The following ADGRF3 variants were observed in gnomAD, a reference collection of about 807,000 sequenced individuals.
ADGRF3 encodes G protein-coupled receptor 113.
ADGRF3 carries 85 observed loss-of-function variants against 93.2 expected under a neutral mutation model. That is an observed-to-expected ratio of 0.91 (90% CI 0.77 to 1.09). ADGRF3 has a LOEUF of 1.09. ADGRF3 is among the 50% of genes least tolerant of loss of function. The pLI is 0.00. For synonymous variants in ADGRF3, 534 were observed against 532.5 expected, an observed-to-expected ratio of 1.00 and a Z score of -0.04; for missense variants, 1,125 against 1,246.2, an observed-to-expected ratio of 0.90 and a Z score of 1.46.
intron 5 of ADGRF3, among the ~76,000 whole-genome samples, chr2:26,315,226 T>C (rs1002972786): frequency 6.6e-6 from 1 of 152,214 alleles, no homozygotes; most frequent in Non-Finnish European, 1.5e-5. Flanking sequence ...ACAATAGTTG[T>C]GACTTTGTAA....
Position 26,309,439 on chromosome 2 carries a change from C to G in ADGRF3, c.2993+87G>C, listed in dbSNP as rs555991159. On this transcript the variant is annotated intron_variant, in intron 13 of 13. Transcript: ENST00000651242. ...GGCTGGGTATAGAAAGAGGAGGCTTCTCTCCAGCACTTTGCCAGGAGGCCC... is the reference window on the plus strand; with the variant it reads ...GGCTGGGTATAGAAAGAGGAGGCTTGTCTCCAGCACTTTGCCAGGAGGCCC... The G allele has an allele frequency of 9.6e-6, 15 of 1,558,160 alleles. 1 individual carries two copies. In the South Asian group the frequency reaches 1.8e-4, roughly 18 times the overall value.
chr2:26,341,251 C>T (rs62130519), intron 1 of ADGRF3, among the ~76,000 whole-genome samples: 6,374 of 152,164 alleles, frequency 0.042, 191 homozygotes, highest in Middle Eastern at 0.071. Flanking sequence ...TGGTGGCGGG[C>T]GCCTGTAGTC....
In ADGRF3 at chr2:26,311,698, G is replaced by A; in HGVS notation, c.1826C>T (p.Ser609Phe). The change falls in exon 10 of 14, where the codon TCC (serine) becomes TTC (phenylalanine). Residue 609 changes from serine (S) to phenylalanine (F), a missense_variant. By Grantham distance (155) the Ser-to-Phe change is radical. Coordinates refer to ENST00000651242, the MANE Select transcript of ADGRF3 (RefSeq NM_001321971.2). ...PSNYGQGLGD[S>F]LYATPGLVLV... is the part of the protein sequence containing the mutation. ...GACCAGGCCAGGAGTGGCATAGAGGGAATCCCCCAGCCCTTGTCCATAGTT... is the reference window on the plus strand; with the variant it reads ...GACCAGGCCAGGAGTGGCATAGAGGAAATCCCCCAGCCCTTGTCCATAGTT... 6.2e-7 allele frequency: 1 copy of A among 1,613,448 alleles called. No individual in the cohort carries two copies. The highest frequency in any genetic ancestry group is 8.5e-7 in the Non-Finnish European group (1 of 1,179,744).
intron 1 of ADGRF3, among the ~76,000 whole-genome samples, chr2:26,327,956 A>T (rs952253347): frequency 6.6e-6 from 1 of 152,144 alleles, no homozygotes; most frequent in African/African-American, 2.4e-5. Flanking sequence ...GGCATTAGGG[A>T]TTAAGTTTCC....
intron 4 of ADGRF3, 148 bp from the exon 5 acceptor site, chr2:26,315,888 G>A: frequency 8.2e-7 from 1 of 1,219,816 alleles, no homozygotes; most frequent in Non-Finnish European, 1.1e-6. Context: ...TCCCTGGGTG[G>A]GCACCTGAAT....
chr2:26,344,267 C>T (rs991994910), intron 1 of ADGRF3, among the ~76,000 whole-genome samples: 4 of 152,168 alleles, frequency 2.6e-5, no homozygotes, highest in African/African-American at 9.7e-5. Flanking sequence ...CCTCAATAAC[C>T]TGAGTAGCTG....
chr2:26,331,230 A>T (rs1346795), intron 1 of ADGRF3, among the ~76,000 whole-genome samples: 145,533 of 152,268 alleles, frequency 0.96, 69,582 homozygotes, highest in South Asian at 0.99. Context: ...CAGCTTATGG[A>T]CAGCTTTTGT....
intron 1 of ADGRF3, among the ~76,000 whole-genome samples, chr2:26,335,002 T>C (rs1047694027): frequency 1.3e-5 from 2 of 152,342 alleles, no homozygotes; most frequent in East Asian, 3.9e-4. Flanking sequence ...TCCCTCACGA[T>C]GTGCTTTTCT....
intron 7 of ADGRF3, 88 bp downstream of exon 7, chr2:26,313,672 C>T: frequency 6.3e-7 from 1 of 1,575,006 alleles, no homozygotes; most frequent in Non-Finnish European, 8.6e-7. Flanking sequence ...GGTCCTGTTG[C>T]CCAGGGCAGA....
chr2:26,346,135 C>G lies in ADGRF3; in HGVS notation c.100G>C (p.Gly34Arg). The change falls in exon 1 of 14, where the codon GGG (glycine) becomes CGG (arginine). Residue 34 changes from glycine (G) to arginine (R), a missense_variant. Gly to Arg is a moderately radical substitution (Grantham distance 125, BLOSUM62 -2). Coordinates refer to ENST00000651242, the MANE Select transcript of ADGRF3 (RefSeq NM_001321971.2). ...GGCTCTCCTACCTTCTCGGGCAGCC[C>G]AGTCTTTGCCATCCTTGCCCAGCCG... ...HTGWARMAKT[G>R]LPEKGQSQAG... 6.3e-7 allele frequency: 1 copy of G among 1,598,406 alleles called. No homozygotes were observed. The highest frequency in any genetic ancestry group is 8.5e-7 in the Non-Finnish European group (1 of 1,173,538).
chr2:26,346,152 G>T lies in ADGRF3; in HGVS notation c.83C>A (p.Ala28Glu), dbSNP rs773529782. 6.2e-6 allele frequency: 10 copies of T among 1,606,426 alleles called. No individual in the cohort carries two copies. The African/African-American group carries it at 8.0e-5, about 13-fold the overall frequency. Residue 28 changes from alanine to glutamate, a missense_variant, in exon 1 of 14, where the codon GCA becomes GAA. Physicochemically the swap from Ala to Glu is moderately radical, Grantham distance 107 (BLOSUM62 -1). Coordinates refer to ENST00000651242, the MANE Select transcript of ADGRF3 (RefSeq NM_001321971.2). ...GGGCAGCCCAGTCTTTGCCATCCTT[G>T]CCCAGCCGGTGTGGTGCTTGTGTGT... The part of the protein sequence containing the change: ...AVTHKHHTGW[A>E]RMAKTGLPEK...
rs1447911620 is a variant in ADGRF3, at chr2:26,311,153, T to C, written c.2371A>G (p.Met791Val). The stretch of plus-strand genomic sequence containing the variant: ...GCCAACACCAGGGCCTGCGCCAGCA[T>C]CCAGAAAAAGGTGGCCAGGTAGAGG... Reference protein sequence around the residue: ...HFLYLATFFWMLAQALVLAHQ... With the variant: ...HFLYLATFFWVLAQALVLAHQ... The change falls in exon 10 of 14, where the codon ATG (methionine) becomes GTG (valine). Residue 791 changes from methionine to valine, a missense_variant. Coordinates refer to ENST00000651242, the MANE Select transcript of ADGRF3 (RefSeq NM_001321971.2). 1.3e-6 allele frequency: 2 copies of C among 1,596,210 alleles called. No individual in the cohort carries two copies. The highest frequency in any genetic ancestry group is 3.5e-5 in the Admixed American group (2 of 56,586).
intron 1 of ADGRF3, among the ~76,000 whole-genome samples, chr2:26,323,011 C>T (rs1675242977): frequency 6.6e-6 from 1 of 151,964 alleles, no homozygotes; most frequent in African/African-American, 2.4e-5. Flanking sequence ...TGGTGGTGGG[C>T]ACCTGTAATC....
At chr2:26,313,300 G>A in intron 8 of ADGRF3, 77 bp downstream of exon 8, 4 of 1,441,564 alleles carry the variant, frequency 2.8e-6, no homozygotes, top group Non-Finnish European at 2.8e-6. Context: ...TTGGGGAAAA[G>A]GGTCTGCAAG....
rs540800425 is a variant in ADGRF3 at position 26,313,674 on chromosome 2, C to A, written c.1072+86G>T. ...GGCCCCGAAGCCTGGTCCTGTTGCC[C>A]AGGGCAGAGACGTGCCATGCAAGAG... On this transcript the variant is annotated intron_variant, in intron 7 of 13. Transcript: ENST00000651242. 36 of 1,578,594 alleles carry A rather than the reference C, an allele frequency of 2.3e-5. No individual in the cohort carries two copies. The East Asian group carries it at 6.6e-4, about 29-fold the overall frequency.
At chr2:26,316,825 G>T in intron 3 of ADGRF3, 87 bp downstream of exon 3, 4 of 1,414,016 alleles carry the variant, frequency 2.8e-6, no homozygotes, top group Non-Finnish European at 3.8e-6. Context: ...ATACAGAGGG[G>T]CTCACAGAGT....
chr2:26,339,658 T>C (rs1676260846), intron 1 of ADGRF3, among the ~76,000 whole-genome samples: 1 of 152,202 alleles, frequency 6.6e-6, no homozygotes, highest in Non-Finnish European at 1.5e-5. Context: ...CCTCTGTTTC[T>C]CATGGTATAT....
chr2:26,337,605 A>T (rs1676127671), intron 1 of ADGRF3, among the ~76,000 whole-genome samples: 1 of 152,214 alleles, frequency 6.6e-6, no homozygotes, highest in African/African-American at 2.4e-5. Flanking sequence ...AAAACTGCTT[A>T]TTTTAAAAAT....
At chr2:26,338,656 TTC>T (rs1446766704) in intron 1 of ADGRF3, among the ~76,000 whole-genome samples, 1 of 152,080 alleles carries the variant, frequency 6.6e-6, no homozygotes, top group African/African-American at 2.4e-5. Flanking sequence ...GAGATGGGGT[TTC>T]TCCATGTTGG....
Sources: allele counts gnomAD v4.1 joint callset (sites outside exome capture counted in the v4.1 genomes callset), GRCh38; gene constraint gnomAD v4.1.1; transcripts MANE v1.5; gene names NCBI Gene and HGNC (gene_info 2026-07-23, HGNC 2026-07-21).